SATB2: variants seen among roughly 807,000 people sequenced by gnomAD.
The protein encoded by SATB2 is SATB homeobox 2.
In SATB2, 1 loss-of-function variant was observed where a neutral mutation model predicts 73.4. The observed-to-expected ratio is 0.01, with a 90% CI of 0.00 to 0.06. The LOEUF (loss-of-function observed/expected upper bound fraction) is 0.06. Among genes scored for constraint, SATB2 ranks in the 10% least tolerant of loss-of-function variants. The probability of loss-of-function intolerance (pLI) is 1.00; values close to 1 mark genes in which losing one functional copy is unlikely to be tolerated. For synonymous variants in SATB2, 397 were observed against 367.0 expected (o/e 1.08, Z -0.93); for missense variants, 459 against 945.8 (o/e 0.49, Z 6.75).
intron 2 of SATB2, among the ~76,000 whole-genome samples, chr2:199,454,276 G>C (rs545824789): frequency 2.0e-5 from 3 of 152,200 alleles, no homozygotes; most frequent in African/African-American, 7.2e-5. Context: ...TCTTCAGAAA[G>C]ATACCAAAAT....
chr2:199,440,677 C>T (rs933895086), intron 2 of SATB2, among the ~76,000 whole-genome samples: 1 of 152,062 alleles, frequency 6.6e-6, no homozygotes, highest in African/African-American at 2.4e-5. Flanking sequence ...TTGTAAACTA[C>T]ACATTCCCTG....
At chr2:199,393,917 T>C (rs1296994412) in intron 3 of SATB2, among the ~76,000 whole-genome samples, 1 of 152,216 alleles carries the variant, frequency 6.6e-6, no homozygotes, top group Non-Finnish European at 1.5e-5. Context: ...ATCAGGTTTT[T>C]TTAAACTGAA....
At chr2:199,470,053 C>T (rs1692674605), upstream of SATB2, 1 of 152,486 alleles carries the variant, frequency 6.6e-6, no homozygotes. Context: ...TTACCCCCTT[C>T]CTTCACTCCC....
chr2:199,390,613 T>C (rs150931791), intron 3 of SATB2, among the ~76,000 whole-genome samples: 10 of 152,330 alleles, frequency 6.6e-5, no homozygotes, highest in African/African-American at 9.6e-5. Flanking sequence ...CTTTGCTACA[T>C]TCTAGCAGAT....
At chr2:199,406,753 G>C (rs958287084) in intron 3 of SATB2, among the ~76,000 whole-genome samples, 1 of 151,892 alleles carries the variant, frequency 6.6e-6, no homozygotes, top group Non-Finnish European at 1.5e-5. Context: ...TTATAGTTTA[G>C]GAAATGACAC....
intron 3 of SATB2, among the ~76,000 whole-genome samples, chr2:199,393,706 A>G (rs188068445): frequency 2.0e-5 from 3 of 152,294 alleles, no homozygotes; most frequent in Admixed American, 2.0e-4. Flanking sequence ...GAATTGGTTG[A>G]TTGATTTTTC....
At chr2:199,342,184 G>A (rs1688525692) in intron 7 of SATB2, among the ~76,000 whole-genome samples, 1 of 152,060 alleles carries the variant, frequency 6.6e-6, no homozygotes, top group Non-Finnish European at 1.5e-5. Context: ...GGAGGCGGGG[G>A]AGCATCAAAA....
chr2:199,336,025 G>A (rs566087626), intron 7 of SATB2, among the ~76,000 whole-genome samples: 89 of 152,248 alleles, frequency 5.8e-4, no homozygotes, highest in Non-Finnish European at 1.1e-3. Flanking sequence ...ATTTGAGCAT[G>A]TACAATAGAG....
In SATB2 at chr2:199,395,128, C is replaced by A. The variant is rs550012096; in HGVS notation, c.347-13308G>T. The stretch of plus-strand genomic sequence containing the variant: ...ACGGAGTCTCACTCTGTCGCCATGT[C>A]TAATTTTCTGAATACAGATGAGCCT... On this transcript the variant is annotated intron_variant, in intron 3 of 10. Transcript: ENST00000417098. 8.6e-5 allele frequency among the ~76,000 whole-genome samples: 13 copies of A among 151,666 alleles called. No individual in the cohort carries two copies. The Middle Eastern group carries it at 0.01, about 119-fold the overall frequency.
At chr2:199,416,823 T>A (rs1349844668) in intron 3 of SATB2, among the ~76,000 whole-genome samples, 1 of 152,030 alleles carries the variant, frequency 6.6e-6, no homozygotes, top group African/African-American at 2.4e-5. Flanking sequence ...GATCATGAGG[T>A]CAGGAGATCG....
Position 199,272,704 on chromosome 2 carries a change from G to T in SATB2, c.1741-32C>A, listed in dbSNP as rs1263866049. 6.3e-7 allele frequency: 1 copy of T among 1,584,468 alleles called. No homozygotes were observed. The highest frequency in any genetic ancestry group is 1.3e-5 in the African/African-American group (1 of 74,286). The stretch of plus-strand genomic sequence containing the variant: ...ATTAAGAGAGAAAAAAATGAACACT[G>T]GACTCATGATTTTACCTTTCCAAAA... On this transcript the variant is annotated intron_variant, in intron 10 of 10. Coordinates refer to ENST00000417098, the MANE Select transcript of SATB2 (RefSeq NM_001172509.2). This position sits in a 1 kb window ranked among gnomAD's most constrained non-coding sequence, Gnocchi z 6.7.
intron 6 of SATB2, among the ~76,000 whole-genome samples, chr2:199,350,344 TAAAAA>T (rs35456542): frequency 3.6e-5 from 5 of 137,902 alleles, no homozygotes; most frequent in African/African-American, 1.3e-4. Flanking sequence ...CATGGTTTTA[TAAAAA>T]AAAAAAAAAT....
intron 1 of SATB2, among the ~76,000 whole-genome samples, chr2:199,456,532 C>A (rs1351207170): frequency 6.6e-6 from 1 of 152,192 alleles, no homozygotes; most frequent in Non-Finnish European, 1.5e-5. Flanking sequence ...AGTCCATAAC[C>A]GAATTAACCA....
chr2:199,401,187 T>C (rs895869633), intron 3 of SATB2, among the ~76,000 whole-genome samples: 52 of 152,154 alleles, frequency 3.4e-4, no homozygotes, highest in Admixed American at 3.3e-3. Context: ...TCATGAAACT[T>C]AGGTCTACTT....
intron 3 of SATB2, among the ~76,000 whole-genome samples, chr2:199,407,494 G>C (rs1325195818): frequency 6.6e-6 from 1 of 152,100 alleles, no homozygotes; most frequent in Non-Finnish European, 1.5e-5. Flanking sequence ...AGAGGTTACA[G>C]CCCAGGAGAT....
At chr2:199,293,175 G>A (rs1692923148) in intron 10 of SATB2, among the ~76,000 whole-genome samples, 1 of 152,264 alleles carries the variant, frequency 6.6e-6, no homozygotes, top group East Asian at 1.9e-4. Context: ...GGTTCATGCA[G>A]CCAGAATTCA....
At chr2:199,434,334 A>C (rs1469067599) in intron 2 of SATB2, among the ~76,000 whole-genome samples, 1 of 152,218 alleles carries the variant, frequency 6.6e-6, no homozygotes, top group East Asian at 1.9e-4. Flanking sequence ...AAAGCAAATT[A>C]GTCTAGTTGA....
chr2:199,274,839 G>T (rs1407376938), intron 10 of SATB2, among the ~76,000 whole-genome samples: 1 of 152,118 alleles, frequency 6.6e-6, no homozygotes, highest in African/African-American at 2.4e-5. Context: ...CAGGGATGGG[G>T]GGTGGGGGGA....
chr2:199,436,728 T>C (rs1437583969), intron 2 of SATB2, among the ~76,000 whole-genome samples: 5 of 151,968 alleles, frequency 3.3e-5, no homozygotes, highest in African/African-American at 4.8e-5. Context: ...AATAGTATCA[T>C]TGAGGTCAAG....
Sources: gnomAD v4.1 joint callset for allele counts (sites outside exome capture counted in the v4.1 genomes callset) on GRCh38, gnomAD v4.1.1 for gene constraint, Gnocchi (gnomAD v3.1) non-coding constraint, MANE v1.5 for transcripts, NCBI Gene and HGNC (gene_info 2026-07-23, HGNC 2026-07-21) for gene names.